The following GRID2 variants were observed in gnomAD, a reference collection of about 807,000 sequenced individuals.
The protein encoded by GRID2 is glutamate ionotropic receptor delta type subunit 2.
GRID2 carries 33 observed loss-of-function variants against 114.8 expected under a neutral mutation model. That is an observed-to-expected ratio of 0.29 (90% CI 0.22 to 0.38). GRID2 has a LOEUF of 0.38. Ranked by LOEUF, GRID2 falls within the 10% of genes least tolerant of loss-of-function variation. GRID2 has a pLI of 1.00. For missense variants in GRID2, 1,184 were observed against 1,257.7 expected (o/e 0.94, Z 0.89); for synonymous variants, 505 against 449.9 (o/e 1.12, Z -1.55).
At chr4:92,514,740 A>G (rs1724421862) in intron 1 of GRID2, among the ~76,000 whole-genome samples, 1 of 151,910 alleles carries the variant, frequency 6.6e-6, no homozygotes, top group East Asian at 1.9e-4. Flanking sequence ...ACACATGTTA[A>G]AACTGTACTT....
intron 5 of GRID2, among the ~76,000 whole-genome samples, chr4:93,215,386 A>G (rs1744083043): frequency 6.6e-6 from 1 of 152,024 alleles, no homozygotes. Flanking sequence ...ACTTTAAAAG[A>G]TGTCTGGTTA....
chr4:92,397,784 T>A (rs898800490), intron 1 of GRID2, among the ~76,000 whole-genome samples: 4 of 152,014 alleles, frequency 2.6e-5, no homozygotes, highest in African/African-American at 9.7e-5. Flanking sequence ...GGGTACATGG[T>A]TAATGAAGAG....
intron 2 of GRID2, among the ~76,000 whole-genome samples, chr4:93,075,883 C>CTCTTTTTTT (rs1490779668): frequency 3.4e-4 from 26 of 76,602 alleles, no homozygotes; most frequent in African/African-American, 9.6e-4. Context: ...AGTTACCTCT[C>CTCTTTTTTT]TTTTTTTTTT....
chr4:93,412,169 A>G, intron 9 of GRID2, among the ~76,000 whole-genome samples: 1 of 151,458 alleles, frequency 6.6e-6, no homozygotes, highest in East Asian at 2.0e-4. Flanking sequence ...TAACTCCAGC[A>G]TTTGGGGATC....
intron 8 of GRID2, among the ~76,000 whole-genome samples, chr4:93,265,536 G>A (rs1398504897): frequency 6.6e-6 from 1 of 152,154 alleles, no homozygotes; most frequent in Non-Finnish European, 1.5e-5. Flanking sequence ...TAGGCTAATT[G>A]ATATAAACAA....
chr4:92,575,874 C>G (rs184444757), intron 1 of GRID2, among the ~76,000 whole-genome samples: 1 of 152,338 alleles, frequency 6.6e-6, no homozygotes, highest in East Asian at 1.9e-4. Flanking sequence ...GAACTGTTGG[C>G]TCTTGAACAT....
chr4:92,913,884 C>T (rs1363714883), intron 2 of GRID2, among the ~76,000 whole-genome samples: 2 of 151,920 alleles, frequency 1.3e-5, no homozygotes, highest in Non-Finnish European at 2.9e-5. Context: ...ACTATTTTTT[C>T]AAACATTCAT....
chr4:93,364,127 CAT>C (rs1478875106), intron 8 of GRID2, among the ~76,000 whole-genome samples: 19 of 152,100 alleles, frequency 1.2e-4, no homozygotes, highest in Non-Finnish European at 2.8e-4. Flanking sequence ...AATCTGAAGA[CAT>C]ATATACATTT....
chr4:92,628,888 T>C (rs1730654485), intron 2 of GRID2, among the ~76,000 whole-genome samples: 1 of 152,128 alleles, frequency 6.6e-6, no homozygotes, highest in South Asian at 2.1e-4. Context: ...TATTTTCTTT[T>C]AATCATTTTC....
At chr4:92,644,123 G>A (rs148784566) in intron 2 of GRID2, among the ~76,000 whole-genome samples, 1 of 151,700 alleles carries the variant, frequency 6.6e-6, no homozygotes, top group African/African-American at 2.4e-5. Flanking sequence ...GGTAGTGTTG[G>A]CAGAATAACC....
intron 13 of GRID2, among the ~76,000 whole-genome samples, chr4:93,589,925 T>A (rs1370408730): frequency 6.6e-6 from 1 of 150,870 alleles, no homozygotes; most frequent in Non-Finnish European, 1.5e-5. Flanking sequence ...GTAAATTTGT[T>A]TGAGTTCATT....
chr4:93,398,133 G>GTATATATATA lies in GRID2; in HGVS notation c.1347+2435_1347+2444dup, dbSNP rs1553923238. 7.6e-4 allele frequency among the ~76,000 whole-genome samples: 93 copies of GTATATATATA among 122,354 alleles called. 3 individuals are homozygous for GTATATATATA. Among genetic ancestry groups the GTATATATATA allele is most frequent in the African/African-American group, 3.2e-3 (83 of 25,920 alleles). 80.3% of individuals were successfully genotyped at this position (122,354 alleles called of 152,430 possible). ...GAAATACATACATGTATGTGTGTGT[G>GTATATATATA]TATATATATATATATATATCTTATC... On this transcript the variant is annotated intron_variant, in intron 9 of 15. Transcript: ENST00000282020.
intron 13 of GRID2, among the ~76,000 whole-genome samples, chr4:93,592,035 G>T (rs935516534): frequency 1.3e-5 from 2 of 152,026 alleles, no homozygotes; most frequent in Admixed American, 6.6e-5. Context: ...TTTTTGAAGG[G>T]TATTTTGTGT....
intron 8 of GRID2, among the ~76,000 whole-genome samples, chr4:93,279,051 C>A (rs999415034): frequency 2.6e-5 from 4 of 151,730 alleles, no homozygotes; most frequent in African/African-American, 9.7e-5. Context: ...CAATTAAACA[C>A]CTTCAAGTAT....
rs141736514 is a variant in GRID2, at chr4:92,683,641, T to C, written c.244+93355T>C. ...ATATGAATTTCATTATATAGTTATCTTTAGTTTTTGTATATTTAAATTATT... is the reference window on the plus strand; with the variant it reads ...ATATGAATTTCATTATATAGTTATCCTTAGTTTTTGTATATTTAAATTATT... On this transcript the variant is annotated intron_variant, in intron 2 of 15. Coordinates refer to ENST00000282020, the MANE Select transcript of GRID2 (RefSeq NM_001510.4). 9.3e-3 allele frequency among the ~76,000 whole-genome samples: 1,406 copies of C among 151,984 alleles called. 21 individuals carry two copies. The highest frequency in any genetic ancestry group is 0.089 in the Middle Eastern group (26 of 292).
intron 13 of GRID2, among the ~76,000 whole-genome samples, chr4:93,546,974 A>C (rs1733282461): frequency 6.6e-6 from 1 of 152,156 alleles, no homozygotes; most frequent in Admixed American, 6.5e-5. Context: ...ATTCAAAGTC[A>C]TGATGTCTAG....
At chr4:93,657,244 A>G (rs1179564870) in intron 14 of GRID2, among the ~76,000 whole-genome samples, 1 of 152,104 alleles carries the variant, frequency 6.6e-6, no homozygotes, top group Non-Finnish European at 1.5e-5. Context: ...AAGTATTTGT[A>G]TATTGGTAGA....
chr4:92,339,968 G>A (rs150786814), intron 1 of GRID2, among the ~76,000 whole-genome samples: 51 of 152,208 alleles, frequency 3.4e-4, no homozygotes, highest in African/African-American at 1.1e-3. Context: ...AGCTTAGCAC[G>A]TGTAAACTGA....
intron 2 of GRID2, among the ~76,000 whole-genome samples, chr4:92,718,491 G>A (rs1312831397): frequency 6.6e-6 from 1 of 151,948 alleles, no homozygotes; most frequent in Non-Finnish European, 1.5e-5. Flanking sequence ...TTCAGGCCAG[G>A]AATGGTGGCT....
Sources: gnomAD v4.1 joint callset for allele counts (sites outside exome capture counted in the v4.1 genomes callset) on GRCh38, gnomAD v4.1.1 for gene constraint, MANE v1.5 for transcripts, NCBI Gene and HGNC (gene_info 2026-07-23, HGNC 2026-07-21) for gene names.